CYP2J2: variants seen among roughly 807,000 people sequenced by gnomAD.
CYP2J2 encodes cytochrome P450 family 2 subfamily J member 2, also known as cytochrome P450 2J2.
Under a neutral mutation model 48.8 loss-of-function variants are expected in CYP2J2, and 41 were observed. The observed-to-expected ratio is 0.84, with a 90% confidence interval of 0.66 to 1.09. The LOEUF is 1.09. Among genes scored for constraint, CYP2J2 ranks in the 50% least tolerant of loss-of-function variants. The probability of loss-of-function intolerance (pLI) is 0.00; values close to 1 mark genes in which losing one functional copy is unlikely to be tolerated. For missense variants in CYP2J2, 644 were observed against 617.3 expected (o/e 1.04, Z -0.46); for synonymous variants, 221 against 227.1 (o/e 0.97, Z 0.24).
Position 59,909,870 on chromosome 1 carries a change from A to C in CYP2J2, c.775T>G (p.Ser259Ala). 1 of 1,612,426 alleles carries C rather than the reference A, an allele frequency of 6.2e-7. No individual in the cohort carries two copies. Among genetic ancestry groups the C allele is most frequent in the Non-Finnish European group, 8.5e-7 (1 of 1,179,074 alleles). ...TTTCTGTGTTTGTCAATCATATGAG[A>C]AACAAACAATTTCAGTTTTTTCCAG... ...SNWKKLKLFV[S>A]HMIDKHRKDW... Residue 259 changes from serine (S) to alanine (A), a missense_variant, in exon 5 of 9, where the codon TCT becomes GCT. Ser to Ala is a moderately conservative substitution (Grantham distance 99). Coordinates refer to ENST00000371204, the MANE Select transcript of CYP2J2 (RefSeq NM_000775.4).
At chr1:59,934,683 TA>T in the CYP2J2 span, among the ~76,000 whole-genome samples, 1 of 151,976 alleles carries the variant, frequency 6.6e-6, no homozygotes, top group East Asian at 1.9e-4. Flanking sequence ...TTAAGATAAC[TA>T]TTATCAAAAT....
At chr1:59,933,488 A>C in the CYP2J2 span, among the ~76,000 whole-genome samples, 2 of 152,190 alleles carry the variant, frequency 1.3e-5, no homozygotes, top group Admixed American at 6.5e-5. Context: ...GTTTGTTGTT[A>C]GTGTATAGAA....
intron 8 of CYP2J2, among the ~76,000 whole-genome samples, chr1:59,895,074 A>C (rs1227552109): frequency 2.0e-5 from 3 of 152,258 alleles, no homozygotes; most frequent in African/African-American, 7.2e-5. Context: ...AAAGAAAGAC[A>C]TTCTCCAACA....
the CYP2J2 span, among the ~76,000 whole-genome samples, chr1:59,935,039 T>TATATAC: frequency 2.0e-5 from 2 of 100,418 alleles, no homozygotes; most frequent in South Asian, 2.7e-4. Context: ...TATATATATA[T>TATATAC]ATATATATAT....
upstream of CYP2J2, chr1:59,926,777 C>G: frequency 6.3e-7 from 1 of 1,578,056 alleles, no homozygotes; most frequent in Non-Finnish European, 8.6e-7. Flanking sequence ...CTTCTGCGGT[C>G]CAAGCAGGCG....
At position 59,926,736 on chromosome 1, in the gene CYP2J2, G is replaced by T. The variant is rs150385320; in HGVS notation, c.11C>A (p.Ala4Glu). The change falls in exon 1 of 9, where the codon GCG (alanine) becomes GAG (glutamate). Residue 4 changes from alanine to glutamate, a missense_variant. Ala to Glu is a moderately radical substitution (Grantham distance 107, BLOSUM62 -1). Coordinates refer to ENST00000371204, the MANE Select transcript of CYP2J2 (RefSeq NM_000775.4). MLA[A>E]MGSLAAALWA... Reference sequence around the variant, plus strand: ...GAGGGCAGCCGCCAGAGAGCCCATCGCCGCGAGCATGGCTCAGACGTCCTC... The same window carrying T: ...GAGGGCAGCCGCCAGAGAGCCCATCTCCGCGAGCATGGCTCAGACGTCCTC... 50 of 1,613,014 alleles carry T rather than the reference G, an allele frequency of 3.1e-5. No individual in the cohort carries two copies. Among genetic ancestry groups the T allele is most frequent in the Non-Finnish European group, 4.1e-5 (48 of 1,179,600 alleles).
intron 8 of CYP2J2, 43 bp from the exon 9 acceptor site, chr1:59,893,872 A>C: frequency 6.4e-7 from 1 of 1,559,192 alleles, no homozygotes; most frequent in South Asian, 1.3e-5. Flanking sequence ...CTCAGGTGGC[A>C]TTTGTGCCTA....
chr1:59,921,540 C>T (rs1467093063), intron 1 of CYP2J2, among the ~76,000 whole-genome samples: 1 of 152,078 alleles, frequency 6.6e-6, no homozygotes, highest in African/African-American at 2.4e-5. Flanking sequence ...TGAGGGGCAC[C>T]TGTTCACATG....
chr1:59,905,109 A>C, intron 6 of CYP2J2, 51 bp from the exon 7 acceptor site: 1 of 1,557,878 alleles, frequency 6.4e-7, no homozygotes, highest in Non-Finnish European at 8.7e-7. Flanking sequence ...ATGCTTTATT[A>C]TAAAGAGGTA....
chr1:59,967,619 C>CT, the CYP2J2 span, among the ~76,000 whole-genome samples: 1 of 152,198 alleles, frequency 6.6e-6, no homozygotes, highest in Non-Finnish European at 1.5e-5. Context: ...CAAGGCTGGG[C>CT]TTTCTAGGCT....
chr1:59,900,578 G>A (rs757635632), intron 8 of CYP2J2, among the ~76,000 whole-genome samples: 1 of 152,206 alleles, frequency 6.6e-6, no homozygotes, highest in Non-Finnish European at 1.5e-5. Flanking sequence ...AGGTTGCAGT[G>A]AGCTGAGATC....
the CYP2J2 span, among the ~76,000 whole-genome samples, chr1:59,940,481 T>C: frequency 6.6e-6 from 1 of 152,208 alleles, no homozygotes; most frequent in Non-Finnish European, 1.5e-5. Flanking sequence ...TGGCCATTAC[T>C]TTTAATGGCG....
chr1:59,960,865 T>C, the CYP2J2 span, among the ~76,000 whole-genome samples: 1 of 151,942 alleles, frequency 6.6e-6, no homozygotes. Flanking sequence ...AAATAAAGGA[T>C]TTGACCAAAG....
chr1:59,899,595 T>A (rs1317276149), intron 8 of CYP2J2, among the ~76,000 whole-genome samples: 2 of 152,210 alleles, frequency 1.3e-5, no homozygotes, highest in Non-Finnish European at 1.5e-5. Flanking sequence ...CTGTGTAGTA[T>A]TTAGTTATTT....
the CYP2J2 span, among the ~76,000 whole-genome samples, chr1:59,959,069 G>A: frequency 1.5e-4 from 23 of 152,118 alleles, no homozygotes; most frequent in African/African-American, 5.5e-4. Flanking sequence ...TTTTATGTAT[G>A]CTCAGATCCC....
chr1:59,900,449 A>G (rs1407127204), intron 8 of CYP2J2, among the ~76,000 whole-genome samples: 2 of 152,206 alleles, frequency 1.3e-5, no homozygotes, highest in Non-Finnish European at 2.9e-5. Flanking sequence ...CCTGGCCAAC[A>G]TGGTGAAACC....
the CYP2J2 span, among the ~76,000 whole-genome samples, chr1:59,937,435 A>G: frequency 6.6e-6 from 1 of 152,150 alleles, no homozygotes. Context: ...AAAGAAAAAA[A>G]AAAAGGAAAA....
At chr1:59,963,926 T>C in the CYP2J2 span, among the ~76,000 whole-genome samples, 1 of 152,212 alleles carries the variant, frequency 6.6e-6, no homozygotes, top group Non-Finnish European at 1.5e-5. Context: ...AAAACATATT[T>C]TATAAATTAA....
At chr1:59,965,363 T>C in the CYP2J2 span, among the ~76,000 whole-genome samples, 3 of 152,184 alleles carry the variant, frequency 2.0e-5, no homozygotes, top group African/African-American at 7.2e-5. Flanking sequence ...AGAGTGAATG[T>C]AGATAAAGAA....
Sources: allele counts gnomAD v4.1 joint callset (sites outside exome capture counted in the v4.1 genomes callset), GRCh38; gene constraint gnomAD v4.1.1; transcripts MANE v1.5; gene names NCBI Gene and HGNC (gene_info 2026-07-23, HGNC 2026-07-21).